The following NCLN variants were observed in gnomAD, a reference collection of about 807,000 sequenced individuals.
The protein encoded by NCLN is nicalin.
In NCLN, 34 loss-of-function variants were observed where a neutral mutation model predicts 69.5. The ratio of observed to expected loss-of-function variants is 0.49; its 90% confidence interval spans 0.37 to 0.65. The LOEUF is 0.65. Ranked by LOEUF, NCLN falls within the 30% of genes least tolerant of loss-of-function variation. The probability of loss-of-function intolerance (pLI) is 0.00; values close to 1 mark genes in which losing one functional copy is unlikely to be tolerated. For missense variants in NCLN, 710 were observed against 804.8 expected (o/e 0.88, Z 1.42); for synonymous variants, 393 against 358.3 (o/e 1.10, Z -1.09).
At chr19:3,186,498 C>T (rs1225902931) in intron 1 of NCLN, among the ~76,000 whole-genome samples, 2 of 152,224 alleles carry the variant, frequency 1.3e-5, no homozygotes, top group Admixed American at 6.5e-5. Context: ...TCCCGCGTCC[C>T]TGGAGCCCTA....
At chr19:3,206,966 CACCCGCCACCAT>C (rs373861517) in intron 12 of NCLN, among the ~76,000 whole-genome samples, 6 of 152,196 alleles carry the variant, frequency 3.9e-5, no homozygotes, top group African/African-American at 1.2e-4. Flanking sequence ...GGATTACAGG[CACCCGCCACCAT>C]GCCCGGCTAA....
At position 3,208,009 on chromosome 19, in the gene NCLN, C is replaced by T. The variant is rs556558223; in HGVS notation, c.*321C>T. The T allele has an allele frequency of 9.8e-5, 36 of 367,622 alleles. No individual in the cohort carries two copies. The highest frequency in any genetic ancestry group is 3.9e-4 in the East Asian group (7 of 18,118). The allele number at this position is 367,622 out of a possible 1,614,324, so 22.8% of individuals were successfully genotyped here. On this transcript the variant is annotated 3_prime_UTR_variant, in exon 15 of 15. Transcript: ENST00000246117. The stretch of plus-strand genomic sequence containing the variant: ...TCGGTCTGGTGTAAGCACACATGCA[C>T]GATTAAAGAGGAGACGCCGGGACCC...
At position 3,207,748 on chromosome 19, in the gene NCLN, G is replaced by A; in HGVS notation, c.*60G>A. ...CCACAGTCCCTGGGGCCGAGCACGA[G>A]TGAGTGGACACTGCCCCGCCGCGGG... is the stretch of plus-strand genomic sequence containing the variant. On this transcript the variant is annotated 3_prime_UTR_variant, in exon 15 of 15. Coordinates refer to ENST00000246117, the MANE Select transcript of NCLN (RefSeq NM_020170.4). The A allele has an allele frequency of 2.7e-6, 4 of 1,477,612 alleles. No homozygotes were observed. Among genetic ancestry groups the A allele is most frequent in the East Asian group, 4.5e-5 (2 of 43,994 alleles). 91.5% of individuals were successfully genotyped at this position (1,477,612 alleles called of 1,614,324 possible).
At chr19:3,190,766 C>T (rs2144896051) in intron 1 of NCLN, among the ~76,000 whole-genome samples, 1 of 150,810 alleles carries the variant, frequency 6.6e-6, no homozygotes. Context: ...CTGTACCCGG[C>T]CCCCCTGCGT....
chr19:3,204,016 C>A lies in NCLN; in HGVS notation c.901C>A (p.Leu301Ile). ...DNLDHTDSSL[L>I]QDNVAFVLCL... ...TCGGTGTCCTGCAGACTCCAGCCTG[C>A]TTCAGGACAATGTGGCCTTCGTGCT... Residue 301 changes from leucine to isoleucine, a missense_variant, in exon 8 of 15, where the codon CTT (leucine) becomes ATT (isoleucine). By Grantham distance (5) the Leu-to-Ile change is conservative (BLOSUM62 2). Coordinates refer to ENST00000246117, the MANE Select transcript of NCLN (RefSeq NM_020170.4). The A allele has an allele frequency of 6.4e-7, 1 of 1,571,838 alleles. No individual in the cohort carries two copies. Among genetic ancestry groups the A allele is most frequent in the Non-Finnish European group, 8.6e-7 (1 of 1,158,760 alleles).
In NCLN at chr19:3,205,831, G is replaced by T; in HGVS notation, c.1209-108G>T. Reference sequence around the variant, plus strand: ...AGCTTAATTTTTTTTTTTTTTTAAAGACAGAGTCTCACGGTCTCCTAGGCT... The same window carrying T: ...AGCTTAATTTTTTTTTTTTTTTAAATACAGAGTCTCACGGTCTCCTAGGCT... On this transcript the variant is annotated intron_variant, in intron 9 of 14. Coordinates refer to ENST00000246117, the MANE Select transcript of NCLN (RefSeq NM_020170.4). This position sits in a 1 kb window ranked among gnomAD's most constrained non-coding sequence, Gnocchi z 4.6. 5.2e-5 allele frequency: 46 copies of T among 879,658 alleles called. No individual in the cohort carries two copies. Among genetic ancestry groups the T allele is most frequent in the Non-Finnish European group, 7.5e-5 (42 of 559,220 alleles). 54.5% of individuals were successfully genotyped at this position (879,658 alleles called of 1,614,324 possible). A position where few individuals can be genotyped will look rare whatever the true frequency, so the allele number is the denominator to read the frequency against.
Position 3,207,983 on chromosome 19 carries a change from C to T in NCLN, c.*295C>T. ...CCCCCAGTCCTGGGAGCCGGCCGCC[C>T]TCGGTCTGGTGTAAGCACACATGCA... On this transcript the variant is annotated 3_prime_UTR_variant, in exon 15 of 15. Coordinates refer to ENST00000246117, the MANE Select transcript of NCLN (RefSeq NM_020170.4). 1 of 459,318 alleles carries T rather than the reference C, an allele frequency of 2.2e-6. No individual in the cohort carries two copies. The allele number at this position is 459,318 out of a possible 1,614,324, so 28.5% of individuals were successfully genotyped here. A position where few individuals can be genotyped will look rare whatever the true frequency, so the allele number is the denominator to read the frequency against.
At chr19:3,207,493 G>T (rs1916302796) in intron 14 of NCLN, 24 bp downstream of exon 14, 1 of 1,611,634 alleles carries the variant, frequency 6.2e-7, no homozygotes, top group Non-Finnish European at 8.5e-7. Context: ...AGGCTCAGGT[G>T]GGGCAGGGGC....
At position 3,205,780 on chromosome 19, in the gene NCLN, A is replaced by C; in HGVS notation, c.1209-159A>C. On this transcript the variant is annotated intron_variant, in intron 9 of 14. Coordinates refer to ENST00000246117, the MANE Select transcript of NCLN (RefSeq NM_020170.4). The surrounding 1 kb of genome is among the most constrained non-coding windows in gnomAD (Gnocchi z 4.6). ...TGGGGCCCCCAGTGAATCTGCATCT[A>C]CATGTTAGCCAAGTAGTTAAAGCTA... is the stretch of plus-strand genomic sequence containing the variant. The C allele has an allele frequency of 1.4e-6, 1 of 695,106 alleles. No homozygotes were observed. The highest frequency in any genetic ancestry group is 2.4e-6 in the Non-Finnish European group (1 of 414,242). 43.1% of individuals were successfully genotyped at this position (695,106 alleles called of 1,614,324 possible).
chr19:3,190,250 C>T (rs1568309430), intron 1 of NCLN, among the ~76,000 whole-genome samples: 2 of 152,206 alleles, frequency 1.3e-5, no homozygotes, highest in Non-Finnish European at 2.9e-5. Context: ...CCCAGCAGGC[C>T]TGGTGATGTC....
At chr19:3,201,177 G>A (rs981010855) in intron 5 of NCLN, among the ~76,000 whole-genome samples, 1 of 152,240 alleles carries the variant, frequency 6.6e-6, no homozygotes, top group African/African-American at 2.4e-5. Context: ...CTCTGTGAGC[G>A]AATCTGGCCT....
intron 1 of NCLN, among the ~76,000 whole-genome samples, chr19:3,188,181 C>T (rs142639025): frequency 2.0e-3 from 306 of 152,220 alleles, no homozygotes; most frequent in African/African-American, 7.0e-3. Context: ...CCAGCTCACC[C>T]GGCCTCCCTC....
chr19:3,188,822 G>T (rs1345245087), intron 1 of NCLN, among the ~76,000 whole-genome samples: 1 of 152,236 alleles, frequency 6.6e-6, no homozygotes, highest in Non-Finnish European at 1.5e-5. Flanking sequence ...GGGAAGCACA[G>T]TCCAGCTCTC....
At chr19:3,203,227 G>T (rs1916171440) in intron 6 of NCLN, among the ~76,000 whole-genome samples, 1 of 151,776 alleles carries the variant, frequency 6.6e-6, no homozygotes, top group South Asian at 2.1e-4. Flanking sequence ...ATAATTGCTT[G>T]AACCCGGGAG....
intron 8 of NCLN, 80 bp from the exon 9 acceptor site, chr19:3,204,493 G>A (rs1325853783): frequency 7.1e-7 from 1 of 1,401,494 alleles, no homozygotes; most frequent in Non-Finnish European, 9.5e-7. Flanking sequence ...GGTTCTGGGA[G>A]GCCCCTGGAG....
intron 10 of NCLN, 24 bp downstream of exon 10, chr19:3,206,050 G>T: frequency 1.2e-6 from 2 of 1,610,458 alleles, no homozygotes; most frequent in Non-Finnish European, 1.7e-6. Flanking sequence ...CCTCTGTGCC[G>T]CCAGACCCAG....
intron 5 of NCLN, 27 bp downstream of exon 5, chr19:3,198,924 C>G (rs1478907642): frequency 3.6e-6 from 5 of 1,407,948 alleles, no homozygotes; most frequent in African/African-American, 1.5e-5. Context: ...CCATTCCCCC[C>G]ACCCCACAGG....
chr19:3,202,482 G>A (rs1916152194), intron 6 of NCLN, among the ~76,000 whole-genome samples: 3 of 152,244 alleles, frequency 2.0e-5, no homozygotes, highest in African/African-American at 7.2e-5. Flanking sequence ...TGTGCGGGGT[G>A]GGGTAGAATC....
Position 3,198,900 on chromosome 19 carries a change from A to G in NCLN, c.696+3A>G. On this transcript the variant is annotated splice_donor_region_variant and intron_variant, in intron 5 of 14. Coordinates refer to ENST00000246117, the MANE Select transcript of NCLN (RefSeq NM_020170.4). ...ACGACGCCTTTGGAGTGGCCCCCGT[A>G]CGTATGTGTGTCCCCATTCCCCCCA... The G allele has an allele frequency of 6.8e-7, 1 of 1,479,448 alleles. No individual in the cohort carries two copies. Among genetic ancestry groups the G allele is most frequent in the South Asian group, 1.4e-5 (1 of 73,926 alleles). 91.6% of individuals were successfully genotyped at this position (1,479,448 alleles called of 1,614,324 possible). A position where few individuals can be genotyped will look rare whatever the true frequency, so the allele number is the denominator to read the frequency against.
Sources: gnomAD v4.1 joint callset for allele counts (sites outside exome capture counted in the v4.1 genomes callset) on GRCh38, gnomAD v4.1.1 for gene constraint, Gnocchi (gnomAD v3.1) non-coding constraint, MANE v1.5 for transcripts, NCBI Gene and HGNC (gene_info 2026-07-23, HGNC 2026-07-21) for gene names.